BBS1: variants seen among roughly 807,000 people sequenced by gnomAD.
The protein encoded by BBS1 is Bardet-Biedl syndrome 1, also known as BBSome complex member BBS1.
Under a neutral mutation model 73.9 loss-of-function variants are expected in BBS1, and 60 were observed. The ratio of observed to expected loss-of-function variants is 0.81; its 90% confidence interval spans 0.66 to 1.01. The LOEUF is 1.01. Among genes scored for constraint, BBS1 ranks in the 50% least tolerant of loss-of-function variants. The pLI, the probability that BBS1 is intolerant of heterozygous loss-of-function variation, is 0.00. For synonymous variants in BBS1, 283 were observed against 317.4 expected (o/e 0.89, Z 1.15); for missense variants, 718 against 770.3 (o/e 0.93, Z 0.80).
In BBS1 at chr11:66,529,965, G is replaced by T; in HGVS notation, c.1473+13G>T. 2 of 1,596,560 alleles carry T rather than the reference G, an allele frequency of 1.3e-6. No individual in the cohort carries two copies. The highest frequency in any genetic ancestry group is 1.3e-5 in the African/African-American group (1 of 74,870). On this transcript the variant is annotated intron_variant, in intron 14 of 16. Transcript: ENST00000318312. ...GCTGCACGCCGTGGTGAGCATCTGG[G>T]TGAGGGCAGAGTCAGGGCCAGAGGG... is the stretch of plus-strand genomic sequence containing the variant.
intron 7 of BBS1, 117 bp downstream of exon 7, chr11:66,516,050 C>T (rs1590757670): frequency 1.0e-6 from 1 of 972,814 alleles, no homozygotes; most frequent in East Asian, 2.6e-5. Flanking sequence ...TTTGCTATAT[C>T]CCTTCCAGCC....
intron 3 of BBS1, among the ~76,000 whole-genome samples, chr11:66,513,620 A>C (rs1039679921): frequency 6.6e-6 from 1 of 152,208 alleles, no homozygotes; most frequent in South Asian, 2.1e-4. Flanking sequence ...TTGAGGCTGC[A>C]GCGAGCCATG....
rs760105240 is a variant in BBS1 at position 66,510,711 on chromosome 11, A to C, written c.47+5A>C. The C allele has an allele frequency of 6.2e-7, 1 of 1,614,138 alleles. No individual in the cohort carries two copies. Among genetic ancestry groups the C allele is most frequent in the Non-Finnish European group, 8.5e-7 (1 of 1,179,994 alleles). Reference sequence around the variant, plus strand: ...CGACGCCTGCGGAGCTGAGAGGTGAAGGCAGGGCTCCTCAAGGCCTCTTTT... The same window carrying C: ...CGACGCCTGCGGAGCTGAGAGGTGACGGCAGGGCTCCTCAAGGCCTCTTTT... On this transcript the variant is annotated splice_donor_5th_base_variant and intron_variant, in intron 1 of 16. Transcript: ENST00000318312.
intron 11 of BBS1, 131 bp downstream of exon 11, chr11:66,524,013 C>G: frequency 7.5e-7 from 1 of 1,339,822 alleles, no homozygotes. Context: ...GGCACAGTGG[C>G]TCATGCCTGT....
At chr11:66,523,643 C>G in intron 10 of BBS1, 67 bp downstream of exon 10, 1 of 1,611,774 alleles carries the variant, frequency 6.2e-7, no homozygotes, top group South Asian at 1.1e-5. Flanking sequence ...GCAAGAGAGT[C>G]CTCTGGCTTC....
intron 13 of BBS1, chr11:66,529,461 G>A: frequency 1.3e-6 from 1 of 773,808 alleles, no homozygotes; most frequent in Non-Finnish European, 2.2e-6. Flanking sequence ...CTTTGTGGTG[G>A]TCAGAGCTGT....
At chr11:66,521,067 C>T (rs1158489362) in intron 8 of BBS1, 13 of 613,714 alleles carry the variant, frequency 2.1e-5, no homozygotes, top group African/African-American at 3.7e-5. Context: ...GAAGTGGCAT[C>T]GTTTAGTCAA....
In BBS1 at chr11:66,532,070, C is replaced by T; in HGVS notation, c.*33C>T. The T allele has an allele frequency of 6.3e-7, 1 of 1,575,264 alleles. No homozygotes were observed. The highest frequency in any genetic ancestry group is 8.6e-7 in the Non-Finnish European group (1 of 1,161,386). ...GCTGCTGTGAAAGCCCCTGCACAATCAGCCAGGGAGAACTGGGCGGGTTTA... is the reference window on the plus strand; with the variant it reads ...GCTGCTGTGAAAGCCCCTGCACAATTAGCCAGGGAGAACTGGGCGGGTTTA... On this transcript the variant is annotated 3_prime_UTR_variant, in exon 17 of 17. Transcript: ENST00000318312.
chr11:66,512,086 A>ATGT (rs1855967200), intron 3 of BBS1, among the ~76,000 whole-genome samples: 1 of 147,590 alleles, frequency 6.8e-6, no homozygotes, highest in African/African-American at 2.5e-5. Context: ...ACATATATTT[A>ATGT]ATTTTAAATA....
chr11:66,529,848 T>C lies in BBS1; in HGVS notation c.1369T>C (p.Tyr457His), dbSNP rs1856692075. ...GCACCGGGCCTTCCAGACAGACCTA[T>C]ACCTGCTGCGCCTACGTGCTGCCCG... The part of the protein sequence containing the change: ...AMHRAFQTDL[Y>H]LLRLRAARAY... Residue 457 changes from tyrosine (Y) to histidine (H), a missense_variant, in exon 14 of 17, where the codon TAC (tyrosine) becomes CAC (histidine). Transcript: ENST00000318312. The C allele has an allele frequency of 6.2e-7, 1 of 1,611,106 alleles. No individual in the cohort carries two copies. Among genetic ancestry groups the C allele is most frequent in the Non-Finnish European group, 8.5e-7 (1 of 1,179,976 alleles).
chr11:66,527,314 C>T (rs889369332), intron 13 of BBS1, among the ~76,000 whole-genome samples: 3 of 152,000 alleles, frequency 2.0e-5, no homozygotes, highest in African/African-American at 7.3e-5. Flanking sequence ...ATCGTTCGTT[C>T]ATTCATTCAT....
rs779539652 is a variant in BBS1 at position 66,514,470 on chromosome 11, T to A, written c.224T>A (p.Leu75Gln). 5 of 1,614,220 alleles carry A rather than the reference T, an allele frequency of 3.1e-6. No homozygotes were observed. ...QPRLKVLKGP[L>Q]VMTESPLPAL... ...CGCCTGAAGGTGCTCAAAGGACCAC[T>A]GGTGATGACCGAAAGCCCGCTACCT... The change falls in exon 4 of 17, where the codon CTG (leucine) becomes CAG (glutamine). Residue 75 changes from leucine (L) to glutamine (Q), a missense_variant. Coordinates refer to ENST00000318312, the MANE Select transcript of BBS1 (RefSeq NM_024649.5).
rs1297634489 is a variant in BBS1, at chr11:66,526,210, T to C, written c.1180+18T>C. 6.2e-7 allele frequency: 1 copy of C among 1,613,038 alleles called. No individual in the cohort carries two copies. Among genetic ancestry groups the C allele is most frequent in the Non-Finnish European group, 8.5e-7 (1 of 1,179,080 alleles). On this transcript the variant is annotated intron_variant, in intron 12 of 16. Coordinates refer to ENST00000318312, the MANE Select transcript of BBS1 (RefSeq NM_024649.5). The stretch of plus-strand genomic sequence containing the variant: ...CACTCGAGGTGAGTGGAGTCAGACC[T>C]GGCAAGGGCTTTGAAGTCGGGAGTG...
At chr11:66,511,327 A>G (rs1855942085) in intron 3 of BBS1, 88 bp downstream of exon 3, 3 of 1,483,834 alleles carry the variant, frequency 2.0e-6, no homozygotes, top group Admixed American at 3.8e-5. Context: ...TAGGCCCAGC[A>G]TACTCTGGAA....
chr11:66,512,034 A>ATATATATG (rs1855963028), intron 3 of BBS1, among the ~76,000 whole-genome samples: 1 of 146,866 alleles, frequency 6.8e-6, no homozygotes, highest in Non-Finnish European at 1.5e-5. Flanking sequence ...ATATATATGT[A>ATATATATG]TATATATGTA....
intron 11 of BBS1, chr11:66,524,310 TA>T: frequency 3.2e-6 from 1 of 315,998 alleles, no homozygotes; most frequent in Non-Finnish European, 6.2e-6. Context: ...GAGCACCTCA[TA>T]TGTACCAGTC....
chr11:66,522,954 C>A (rs1374221633), intron 9 of BBS1: 7 of 359,250 alleles, frequency 1.9e-5, no homozygotes, highest in Non-Finnish European at 2.7e-5. Flanking sequence ...TGTAGGCCAA[C>A]TCAAAGTGGG....
chr11:66,523,330 C>T lies in BBS1; in HGVS notation c.831-126C>T. On this transcript the variant is annotated intron_variant, in intron 9 of 16. Transcript: ENST00000318312. ...AAGGTGGCAGAAGTGGAAATAATCC[C>T]AGGGTCATCTGCTTTGGGGCCAGTG... The T allele has an allele frequency of 2.2e-6, 3 of 1,347,494 alleles. No homozygotes were observed. The East Asian group carries it at 6.9e-5, about 31-fold the overall frequency. The allele number at this position is 1,347,494 out of a possible 1,614,324, so 83.5% of individuals were successfully genotyped here.
rs1305990714 is a variant in BBS1, at chr11:66,533,181, G to A, written c.*1144G>A. ...AACATGAAGCAAGAAACAGTGCAGGGTGCCCAGTGCACACACTAGAGAGAA... is the reference window on the plus strand; with the variant it reads ...AACATGAAGCAAGAAACAGTGCAGGATGCCCAGTGCACACACTAGAGAGAA... On this transcript the variant is annotated 3_prime_UTR_variant, in exon 17 of 17. Transcript: ENST00000318312. The A allele has an allele frequency of 6.6e-6, 1 of 152,234 alleles. No individual in the cohort carries two copies. Among genetic ancestry groups the A allele is most frequent in the Non-Finnish European group, 1.5e-5 (1 of 68,046 alleles). 9.4% of individuals were successfully genotyped at this position (152,234 alleles called of 1,614,324 possible).
Sources: gnomAD v4.1 joint callset for allele counts (sites outside exome capture counted in the v4.1 genomes callset) on GRCh38, gnomAD v4.1.1 for gene constraint, MANE v1.5 for transcripts, NCBI Gene and HGNC (gene_info 2026-07-23, HGNC 2026-07-21) for gene names.